SYT14: variants seen among roughly 807,000 people sequenced by gnomAD.
SYT14 encodes synaptotagmin 14.
A neutral mutation model predicts 74.2 loss-of-function variants in SYT14; 32 were observed. The ratio of observed to expected loss-of-function variants is 0.43; its 90% CI spans 0.33 to 0.58. The LOEUF (loss-of-function observed/expected upper bound fraction) is 0.58, where lower values mean the gene tolerates loss of function less well. Among genes scored for constraint, SYT14 ranks in the 20% least tolerant of loss-of-function variants. The probability of loss-of-function intolerance (pLI) is 0.05; values close to 1 mark genes in which losing one functional copy is unlikely to be tolerated. For synonymous variants in SYT14, 298 were observed against 337.7 expected, an observed-to-expected ratio of 0.88 and a Z score of 1.29; for missense variants, 791 against 981.8, an observed-to-expected ratio of 0.81 and a Z score of 2.60.
intron 2 of SYT14, among the ~76,000 whole-genome samples, chr1:209,971,105 T>A (rs924709240): frequency 1.3e-5 from 2 of 152,164 alleles, no homozygotes; most frequent in Non-Finnish European, 2.9e-5. Context: ...ATTCACCTCC[T>A]TGCTTAGATG....
At chr1:210,071,524 A>G (rs577850079) in intron 5 of SYT14, among the ~76,000 whole-genome samples, 2 of 152,136 alleles carry the variant, frequency 1.3e-5, no homozygotes, top group South Asian at 2.1e-4. Flanking sequence ...GCAGAATTGT[A>G]TCTCTCTGAC....
intron 5 of SYT14, among the ~76,000 whole-genome samples, chr1:210,023,927 A>G (rs2080354680): frequency 6.6e-6 from 1 of 152,166 alleles, no homozygotes. Context: ...TTTCAGGGAT[A>G]GAGAGAAATC....
chr1:210,032,910 T>C (rs1041886125), intron 5 of SYT14, among the ~76,000 whole-genome samples: 3 of 151,694 alleles, frequency 2.0e-5, no homozygotes, highest in African/African-American at 7.2e-5. Flanking sequence ...TTCATAGTAC[T>C]CCCCAAATTA....
At chr1:209,974,886 A>C (rs182068825) in intron 2 of SYT14, among the ~76,000 whole-genome samples, 72 of 152,080 alleles carry the variant, frequency 4.7e-4, no homozygotes, top group African/African-American at 1.4e-3. Flanking sequence ...CTTTTATTTC[A>C]TTGAGCAGTG....
Position 210,120,170 on chromosome 1 carries a change from A to G in SYT14, c.2034+19709A>G, listed in dbSNP as rs17041959. Among the ~76,000 whole-genome samples, 1,207 of 152,214 alleles carry G rather than the reference A, an allele frequency of 7.9e-3. 21 individuals carry two copies. The highest frequency in any genetic ancestry group is 0.028 in the African/African-American group (1,153 of 41,508). On this transcript the variant is annotated intron_variant, in intron 7 of 9. Transcript: ENST00000637265. ...TTTTTCTAGTAGGAAAAGCTAACAGAACTAACAGAAACTGAAAACTTGAGT... is the reference window on the plus strand; with the variant it reads ...TTTTTCTAGTAGGAAAAGCTAACAGGACTAACAGAAACTGAAAACTTGAGT...
At chr1:210,144,039 G>A (rs2082978799) in intron 7 of SYT14, among the ~76,000 whole-genome samples, 1 of 152,132 alleles carries the variant, frequency 6.6e-6, no homozygotes, top group Non-Finnish European at 1.5e-5. Context: ...AAAAGTTAGA[G>A]CTTATTCATA....
intron 5 of SYT14, among the ~76,000 whole-genome samples, chr1:210,052,314 G>A (rs1319655380): frequency 8.7e-5 from 13 of 149,220 alleles, no homozygotes; most frequent in African/African-American, 3.2e-4. Flanking sequence ...TCCGCCTCCC[G>A]GGTTCACGCC....
chr1:210,005,129 T>C (rs192787557), intron 2 of SYT14, among the ~76,000 whole-genome samples: 16 of 152,144 alleles, frequency 1.1e-4, no homozygotes, highest in African/African-American at 3.8e-4. Flanking sequence ...GTAAATCTAT[T>C]GAACCATTCA....
chr1:210,015,840 C>T, exon 4 of SYT14: 1 of 1,191,496 alleles, frequency 8.4e-7, no homozygotes, highest in Non-Finnish European at 1.0e-6. Flanking sequence ...TCTTTCAATG[C>T]ATAATGTATT....
At chr1:210,004,751 C>T (rs148630307) in intron 2 of SYT14, among the ~76,000 whole-genome samples, 2 of 152,010 alleles carry the variant, frequency 1.3e-5, no homozygotes, top group African/African-American at 4.8e-5. Context: ...GGTTACTCAG[C>T]AAATCTATCA....
At chr1:210,078,305 G>A (rs1181058750) in intron 5 of SYT14, among the ~76,000 whole-genome samples, 2 of 60,200 alleles carry the variant, frequency 3.3e-5, no homozygotes, top group Admixed American at 3.1e-4. Flanking sequence ...GCGAGACTCC[G>A]TCTCAAAAAA....
intron 5 of SYT14, among the ~76,000 whole-genome samples, chr1:210,034,395 G>A (rs979635918): frequency 2.8e-4 from 43 of 151,614 alleles, no homozygotes; most frequent in African/African-American, 1.0e-3. Context: ...AGTAGTACAT[G>A]TTCATTATAG....
intron 5 of SYT14, among the ~76,000 whole-genome samples, chr1:210,053,509 C>T (rs903482910): frequency 2.0e-5 from 3 of 152,030 alleles, no homozygotes; most frequent in East Asian, 3.8e-4. Flanking sequence ...GGAAGATAAC[C>T]CTATTAAGTC....
At chr1:209,981,689 C>G (rs1316427973) in intron 2 of SYT14, among the ~76,000 whole-genome samples, 1 of 152,064 alleles carries the variant, frequency 6.6e-6, no homozygotes, top group African/African-American at 2.4e-5. Flanking sequence ...CTCCTGGACT[C>G]AAGCAGTCCT....
intron 2 of SYT14, among the ~76,000 whole-genome samples, chr1:209,978,366 C>T (rs866370360): frequency 5.3e-5 from 8 of 152,256 alleles, no homozygotes; most frequent in East Asian, 1.9e-4. Context: ...ATGATGGTGA[C>T]GTACAGATGG....
chr1:210,120,304 G>A (rs2082433087), intron 7 of SYT14, among the ~76,000 whole-genome samples: 1 of 151,226 alleles, frequency 6.6e-6, no homozygotes. Context: ...TCACATAATT[G>A]ATGGTGATCC....
intron 1 of SYT14, among the ~76,000 whole-genome samples, chr1:209,948,309 C>T (rs114628145): frequency 5.9e-5 from 9 of 152,312 alleles, no homozygotes; most frequent in Admixed American, 2.0e-4. Flanking sequence ...CAGTTACAGT[C>T]ACACTTATGT....
chr1:210,018,843 G>A (rs530590983), intron 4 of SYT14, among the ~76,000 whole-genome samples: 1 of 152,052 alleles, frequency 6.6e-6, no homozygotes, highest in South Asian at 2.1e-4. Context: ...ATAAGGTATA[G>A]AAAAAGGGGG....
At chr1:210,095,331 A>G (rs1390647184) in intron 6 of SYT14, among the ~76,000 whole-genome samples, 1 of 152,192 alleles carries the variant, frequency 6.6e-6, no homozygotes, top group East Asian at 1.9e-4. Flanking sequence ...AACAGAGTGC[A>G]GTGGCACAGT....
Sources: allele counts gnomAD v4.1 joint callset (sites outside exome capture counted in the v4.1 genomes callset), GRCh38; gene constraint gnomAD v4.1.1; transcripts MANE v1.5; gene names NCBI Gene and HGNC (gene_info 2026-07-23, HGNC 2026-07-21).